KIRREL3: variants seen among roughly 807,000 people sequenced by gnomAD.
KIRREL3 encodes the protein kin of IRRE-like protein 3.
Under a neutral mutation model 89.7 loss-of-function variants are expected in KIRREL3, and 36 were observed. The ratio of observed to expected loss-of-function variants is 0.40; its 90% confidence interval spans 0.31 to 0.53. The LOEUF (loss-of-function observed/expected upper bound fraction) is 0.53. Ranked by LOEUF, KIRREL3 falls within the 20% of genes least tolerant of loss-of-function variation. The pLI is 0.49. For missense variants in KIRREL3, 864 were observed against 1,056.6 expected (o/e 0.82, Z 2.53); for synonymous variants, 445 against 441.4 (o/e 1.01, Z -0.10).
rs1046040922 is a variant in KIRREL3, at chr11:126,723,029, A to C, written c.56-160117T>G. 1.3e-5 allele frequency among the ~76,000 whole-genome samples: 2 copies of C among 152,114 alleles called. No individual in the cohort carries two copies. The highest frequency in any genetic ancestry group is 2.4e-5 in the African/African-American group (1 of 41,420). ...CGGTGGAATTGGCCTTTCTTCATCT[A>C]TTCCTCTTACAGTCTTCTGTGGCTG... On this transcript the variant is annotated intron_variant, in intron 1 of 16. Transcript: ENST00000525144. This position sits in a 1 kb window ranked among gnomAD's most constrained non-coding sequence, Gnocchi z 4.0.
At chr11:126,442,313 AACACACACACACACACACACACACAC>A (rs71984147) in intron 10 of KIRREL3, among the ~76,000 whole-genome samples, 1 of 136,550 alleles carries the variant, frequency 7.3e-6, no homozygotes, top group Non-Finnish European at 1.5e-5. Flanking sequence ...AGACACACAA[AACACACACACACACACACACACACAC>A]ACACACACAC....
In KIRREL3 at chr11:126,666,575, A is replaced by G. The variant is rs952819331; in HGVS notation, c.56-103663T>C. Among the ~76,000 whole-genome samples, 24 of 152,174 alleles carry G rather than the reference A, an allele frequency of 1.6e-4. No homozygotes were observed. The highest frequency in any genetic ancestry group is 5.5e-4 in the African/African-American group (23 of 41,444). On this transcript the variant is annotated intron_variant, in intron 1 of 16. Coordinates refer to ENST00000525144, the MANE Select transcript of KIRREL3 (RefSeq NM_032531.4). This position sits in a 1 kb window ranked among gnomAD's most constrained non-coding sequence, Gnocchi z 4.2. ...AAACAATGAAGAAACATTTTTTCTC[A>G]CTTACATGGCACAAGGAAAACAATA...
intron 1 of KIRREL3, among the ~76,000 whole-genome samples, chr11:126,774,739 G>A (rs1950121325): frequency 6.6e-6 from 1 of 152,180 alleles, no homozygotes; most frequent in Admixed American, 6.5e-5. Flanking sequence ...GGGCTGGGTT[G>A]GTTTCTCCAG....
chr11:126,790,726 C>T (rs1459359926), intron 1 of KIRREL3, among the ~76,000 whole-genome samples: 4 of 151,942 alleles, frequency 2.6e-5, no homozygotes, highest in Admixed American at 6.6e-5. Flanking sequence ...CAACCCTAAT[C>T]GCAGACGTGG....
At position 126,908,955 on chromosome 11, in the gene KIRREL3, TA is replaced by T; in HGVS notation, c.55+91499del. Among the ~76,000 whole-genome samples the T allele has an allele frequency of 6.6e-6, 1 of 152,196 alleles. No individual in the cohort carries two copies. The highest frequency in any genetic ancestry group is 1.5e-5 in the Non-Finnish European group (1 of 68,042). The stretch of plus-strand genomic sequence containing the variant: ...ATATCTAATTACTTATAATACATAA[TA>T]AAAATATATGCTATGTAAACAGTTA... On this transcript the variant is annotated intron_variant, in intron 1 of 16. Transcript: ENST00000525144. This position sits in a 1 kb window ranked among gnomAD's most constrained non-coding sequence, Gnocchi z 4.2.
intron 7 of KIRREL3, among the ~76,000 whole-genome samples, chr11:126,451,288 GTGTGCA>G (rs1956123606): frequency 2.0e-5 from 3 of 149,758 alleles, no homozygotes; most frequent in South Asian, 2.1e-4. Flanking sequence ...ATGTGTGCGT[GTGTGCA>G]TGTGTGCATG....
chr11:126,518,769 G>C (rs965082513), intron 4 of KIRREL3, among the ~76,000 whole-genome samples: 8 of 152,334 alleles, frequency 5.3e-5, no homozygotes, highest in Non-Finnish European at 1.2e-4. Flanking sequence ...AGCTGGCTGG[G>C]TCAGCTGCTG....
chr11:126,487,503 T>C (rs1957396980), intron 4 of KIRREL3, among the ~76,000 whole-genome samples: 1 of 152,232 alleles, frequency 6.6e-6, no homozygotes, highest in Admixed American at 6.5e-5. Flanking sequence ...AAAATATACC[T>C]TTCAACTTTA....
intron 4 of KIRREL3, among the ~76,000 whole-genome samples, chr11:126,505,644 C>A (rs1416141636): frequency 1.3e-5 from 2 of 151,894 alleles, no homozygotes; most frequent in East Asian, 1.9e-4. Flanking sequence ...TATAGATACA[C>A]CATCTATATA....
rs1039061570 is a variant in KIRREL3 at position 126,513,216 on chromosome 11, C to T, written c.433+8099G>A. Among the ~76,000 whole-genome samples, 10 of 152,160 alleles carry T rather than the reference C, an allele frequency of 6.6e-5. No homozygotes were observed. The highest frequency in any genetic ancestry group is 1.5e-4 in the Non-Finnish European group (10 of 68,030). Reference sequence around the variant, plus strand: ...ATGAGTGGGCTCCTAAGAACCTCCCCAGCTTCCCTTGTCCTGGTGTTGGGA... The same window carrying T: ...ATGAGTGGGCTCCTAAGAACCTCCCTAGCTTCCCTTGTCCTGGTGTTGGGA... On this transcript the variant is annotated intron_variant, in intron 4 of 16. Transcript: ENST00000525144. The surrounding 1 kb of genome is among the most constrained non-coding windows in gnomAD (Gnocchi z 5.9).
In KIRREL3 at chr11:126,989,579, T is replaced by C. The variant is rs540066321; in HGVS notation, c.55+10876A>G. Among the ~76,000 whole-genome samples the C allele has an allele frequency of 6.6e-6, 1 of 152,358 alleles. No individual in the cohort carries two copies. Among genetic ancestry groups the C allele is most frequent in the African/African-American group, 2.4e-5 (1 of 41,594 alleles). On this transcript the variant is annotated intron_variant, in intron 1 of 16. Transcript: ENST00000525144. The surrounding 1 kb of genome is among the most constrained non-coding windows in gnomAD (Gnocchi z 6.2). ...GTGGCTGCACCTTTCCTTCATTCTA[T>C]TCCCGCTATCTTAGTTCACGCTGCC...
rs1009174968 is a variant in KIRREL3, at chr11:126,689,741, C to T, written c.56-126829G>A. Among the ~76,000 whole-genome samples, 17 of 152,226 alleles carry T rather than the reference C, an allele frequency of 1.1e-4. No homozygotes were observed. Among genetic ancestry groups the T allele is most frequent in the African/African-American group, 3.6e-4 (15 of 41,454 alleles). Reference sequence around the variant, plus strand: ...TCTTCCTGTCACTTTTCTTTGGCCACCTGGGTCTCAGCAGAGGCCCTCCCA... The same window carrying T: ...TCTTCCTGTCACTTTTCTTTGGCCATCTGGGTCTCAGCAGAGGCCCTCCCA... On this transcript the variant is annotated intron_variant, in intron 1 of 16. Coordinates refer to ENST00000525144, the MANE Select transcript of KIRREL3 (RefSeq NM_032531.4). The surrounding 1 kb of genome is among the most constrained non-coding windows in gnomAD (Gnocchi z 5.2).
rs1958587878 is a variant in KIRREL3, at chr11:126,521,559, T to C, written c.284-95A>G. 3.6e-6 allele frequency: 4 copies of C among 1,120,976 alleles called. No homozygotes were observed. Among genetic ancestry groups the C allele is most frequent in the Admixed American group, 4.4e-5 (2 of 44,986 alleles). 69.4% of individuals were successfully genotyped at this position (1,120,976 alleles called of 1,614,324 possible). ...GAATGGAGGACCCAAGCAGGGGCCA[T>C]TCTACAAGGCTGGCAGAGCGGGTGA... On this transcript the variant is annotated intron_variant, in intron 3 of 16. Transcript: ENST00000525144. This position sits in a 1 kb window ranked among gnomAD's most constrained non-coding sequence, Gnocchi z 4.1.
chr11:126,662,214 C>A lies in KIRREL3; in HGVS notation c.56-99302G>T, dbSNP rs561443696. Among the ~76,000 whole-genome samples the A allele has an allele frequency of 1.1e-3, 166 of 152,160 alleles. 1 individual carries two copies. The highest frequency in any genetic ancestry group is 3.9e-3 in the African/African-American group (161 of 41,506). ...ACTGCTGAATGGCAGCATTAGGGAC[C>A]CATAAAAGGAAAAATGCATTGCTAT... On this transcript the variant is annotated intron_variant, in intron 1 of 16. Transcript: ENST00000525144.
In KIRREL3 at chr11:126,903,466, A is replaced by C. The variant is rs1946452746; in HGVS notation, c.55+96989T>G. ...AATTGAGGTTGCTAATGAATTTGAA[A>C]ACTCAGCAAAGCAAGGAGAGCTGAG... is the stretch of plus-strand genomic sequence containing the variant. On this transcript the variant is annotated intron_variant, in intron 1 of 16. Transcript: ENST00000525144. This position sits in a 1 kb window ranked among gnomAD's most constrained non-coding sequence, Gnocchi z 4.5. Among the ~76,000 whole-genome samples the C allele has an allele frequency of 6.6e-6, 1 of 152,160 alleles. No homozygotes were observed. Among genetic ancestry groups the C allele is most frequent in the African/African-American group, 2.4e-5 (1 of 41,444 alleles).
intron 4 of KIRREL3, among the ~76,000 whole-genome samples, chr11:126,500,429 C>T (rs1056578338): frequency 6.6e-6 from 1 of 152,134 alleles, no homozygotes; most frequent in African/African-American, 2.4e-5. Context: ...ACAAGCGACT[C>T]ACATTAATTT....
intron 1 of KIRREL3, among the ~76,000 whole-genome samples, chr11:126,629,521 T>C (rs1471874850): frequency 6.6e-6 from 1 of 152,142 alleles, no homozygotes; most frequent in Non-Finnish European, 1.5e-5. Flanking sequence ...CACTGCTCTC[T>C]CTAGGGGTGG....
intron 1 of KIRREL3, among the ~76,000 whole-genome samples, chr11:126,980,306 A>T (rs659742): frequency 0.53 from 80,606 of 151,968 alleles, 22,343 homozygotes; most frequent in East Asian, 0.83. Context: ...GGAAAGAGAG[A>T]TGGTGCCAGA....
Position 126,608,046 on chromosome 11 carries a change from C to T in KIRREL3, c.56-45134G>A, listed in dbSNP as rs1185659998. ...GCCTGCCGTGCTGTCTCTTACCAAC[C>T]CAGGAGGGAGGGTTGGTGGCTGCTG... On this transcript the variant is annotated intron_variant, in intron 1 of 16. Coordinates refer to ENST00000525144, the MANE Select transcript of KIRREL3 (RefSeq NM_032531.4). This position sits in a 1 kb window ranked among gnomAD's most constrained non-coding sequence, Gnocchi z 4.9. Among the ~76,000 whole-genome samples the T allele has an allele frequency of 6.6e-6, 1 of 152,190 alleles. No homozygotes were observed.
Sources: allele counts gnomAD v4.1 joint callset (sites outside exome capture counted in the v4.1 genomes callset), GRCh38; gene constraint gnomAD v4.1.1; non-coding constraint Gnocchi (gnomAD v3.1); transcripts MANE v1.5; gene names NCBI Gene and HGNC (gene_info 2026-07-23, HGNC 2026-07-21).